Variants in ATAD2B observed in about 807,000 individuals in gnomAD.
ATAD2B encodes ATPase family AAA domain-containing protein 2B.
Under a neutral mutation model 167.6 loss-of-function variants are expected in ATAD2B, and 40 were observed. That is an observed-to-expected ratio of 0.24 (90% confidence interval 0.19 to 0.31). The LOEUF (loss-of-function observed/expected upper bound fraction) is 0.31. ATAD2B is among the 10% of genes least tolerant of loss of function. ATAD2B has a pLI of 1.00. For synonymous variants in ATAD2B, 579 were observed against 596.5 expected (o/e 0.97, Z 0.43); for missense variants, 1,242 against 1,757.2 (o/e 0.71, Z 5.24).
intron 7 of ATAD2B, among the ~76,000 whole-genome samples, chr2:23,878,777 A>T (rs1328764631): frequency 6.6e-6 from 1 of 152,196 alleles, no homozygotes; most frequent in Non-Finnish European, 1.5e-5. Context: ...TGCAAATGAC[A>T]TATCTGTTAA....
At chr2:23,736,002 T>C in the ATAD2B span, among the ~76,000 whole-genome samples, 2 of 152,144 alleles carry the variant, frequency 1.3e-5, no homozygotes, top group African/African-American at 4.8e-5. Context: ...AAGGATTACA[T>C]CTAAGTATTC....
intron 14 of ATAD2B, chr2:23,832,634 TAGAC>T (rs1689241651): frequency 6.2e-6 from 1 of 161,530 alleles, no homozygotes; most frequent in Non-Finnish European, 1.3e-5. Context: ...AAAATTCTAT[TAGAC>T]AGTGCTGTTC....
In ATAD2B at chr2:23,863,288, G is replaced by A. The variant is rs1165140778; in HGVS notation, c.1479+93C>T. The stretch of plus-strand genomic sequence containing the variant: ...CACGCTATTGCACTCACTCCAGCCT[G>A]GGTAACAGAGAGAGGCCCTGTCTCA... On this transcript the variant is annotated intron_variant, in intron 12 of 27. Coordinates refer to ENST00000238789, the MANE Select transcript of ATAD2B (RefSeq NM_017552.4). The A allele has an allele frequency of 2.9e-5, 36 of 1,260,904 alleles. No individual in the cohort carries two copies. In the Admixed American group the frequency reaches 9.5e-4, roughly 33 times the overall value. The allele number at this position is 1,260,904 out of a possible 1,614,324, so 78.1% of individuals were successfully genotyped here. A position where few individuals can be genotyped will look rare whatever the true frequency, so the allele number is the denominator to read the frequency against.
chr2:23,861,086 T>C (rs997929300), intron 12 of ATAD2B, among the ~76,000 whole-genome samples: 1 of 152,016 alleles, frequency 6.6e-6, no homozygotes, highest in Non-Finnish European at 1.5e-5. Flanking sequence ...TCCCAGTGCT[T>C]TGGGAGTGTT....
intron 24 of ATAD2B, among the ~76,000 whole-genome samples, chr2:23,760,771 C>CACACACACACA (rs1572646294): frequency 1.5e-5 from 2 of 130,120 alleles, no homozygotes; most frequent in Non-Finnish European, 3.5e-5. Context: ...CACACACACA[C>CACACACACACA]CACTTCCTTC....
At chr2:23,878,258 G>A (rs1697332068) in intron 7 of ATAD2B, among the ~76,000 whole-genome samples, 1 of 151,944 alleles carries the variant, frequency 6.6e-6, no homozygotes, top group South Asian at 2.1e-4. Flanking sequence ...CTACTTGGGA[G>A]GCTGAGGCAG....
chr2:23,886,223 G>A (rs1000750077), intron 4 of ATAD2B, among the ~76,000 whole-genome samples: 6 of 152,096 alleles, frequency 3.9e-5, no homozygotes, highest in African/African-American at 1.4e-4. Flanking sequence ...TGCAATTACA[G>A]TGATGCGCCC....
chr2:23,742,125 C>T, the ATAD2B span, among the ~76,000 whole-genome samples: 3 of 152,142 alleles, frequency 2.0e-5, no homozygotes, highest in African/African-American at 7.2e-5. Context: ...ACTAGTTCAA[C>T]CATTGTGGAA....
At chr2:23,718,822 G>A in the ATAD2B span, among the ~76,000 whole-genome samples, 1 of 152,164 alleles carries the variant, frequency 6.6e-6, no homozygotes, top group East Asian at 1.9e-4. Context: ...TGTACTTCCT[G>A]GCTCCTGGCC....
At chr2:23,897,465 C>G (rs927996821) in intron 1 of ATAD2B, among the ~76,000 whole-genome samples, 2 of 152,170 alleles carry the variant, frequency 1.3e-5, no homozygotes, top group African/African-American at 4.8e-5. Flanking sequence ...TTGCCATTAT[C>G]AAATACCACA....
Position 23,798,282 on chromosome 2 carries a change from G to A in ATAD2B, c.2496C>T (p.Tyr832=). 1 of 1,612,742 alleles carries A rather than the reference G, an allele frequency of 6.2e-7. No individual in the cohort carries two copies. Among genetic ancestry groups the A allele is most frequent in the Non-Finnish European group, 8.5e-7 (1 of 1,179,188 alleles). ...CCCACCAATCCCCAATGTGAGGCAT[G>A]TAAACAATACTAGGTACTGTTCTTC... ...EARRTVPSIV[Y]MPHIGDWWEA... Residue 832 remains tyrosine (Y), a synonymous_variant, in exon 19 of 28, where the codon TAC becomes TAT. Coordinates refer to ENST00000238789, the MANE Select transcript of ATAD2B (RefSeq NM_017552.4).
chr2:23,747,317 AAT>A (rs920666061), downstream of ATAD2B, among the ~76,000 whole-genome samples: 1 of 150,956 alleles, frequency 6.6e-6, no homozygotes. Context: ...ACATATGTGT[AAT>A]ATATATATAT....
At chr2:23,708,549 G>A in the ATAD2B span, 1 of 152,184 alleles carries the variant, frequency 6.6e-6, no homozygotes. Context: ...ATTGTACATA[G>A]TATATGTTTA....
chr2:23,889,366 C>T (rs879843326), intron 2 of ATAD2B, among the ~76,000 whole-genome samples: 2 of 151,962 alleles, frequency 1.3e-5, no homozygotes, highest in Non-Finnish European at 1.5e-5. Context: ...TGGGGTTTCA[C>T]CATGTTGGTC....
At chr2:23,748,428 T>C (rs1675031141), downstream of ATAD2B, among the ~76,000 whole-genome samples, 1 of 152,200 alleles carries the variant, frequency 6.6e-6, no homozygotes. Flanking sequence ...CATTTGCTTC[T>C]ATACAACATA....
At chr2:23,791,509 A>G (rs1681726535) in intron 19 of ATAD2B, among the ~76,000 whole-genome samples, 1 of 151,934 alleles carries the variant, frequency 6.6e-6, no homozygotes. Flanking sequence ...AAAAAACGCA[A>G]TTACTCTTGC....
At chr2:23,788,712 C>G in intron 19 of ATAD2B, 65 bp from the exon 20 acceptor site, 1 of 1,301,124 alleles carries the variant, frequency 7.7e-7, no homozygotes, top group Non-Finnish European at 1.0e-6. Flanking sequence ...CATATCATAC[C>G]AAATTGCAAT....
chr2:23,779,586 T>C (rs1278914969), intron 22 of ATAD2B, among the ~76,000 whole-genome samples: 1 of 152,148 alleles, frequency 6.6e-6, no homozygotes, highest in Admixed American at 6.5e-5. Context: ...AGGAACTTAT[T>C]CTAAGGAAAT....
At chr2:23,827,538 G>A (rs1383895046) in intron 15 of ATAD2B, among the ~76,000 whole-genome samples, 2 of 152,068 alleles carry the variant, frequency 1.3e-5, no homozygotes, top group Non-Finnish European at 2.9e-5. Flanking sequence ...ATCATTCTGT[G>A]ACAAATTCAC....
Sources: gnomAD v4.1 joint callset for allele counts (sites outside exome capture counted in the v4.1 genomes callset) on GRCh38, gnomAD v4.1.1 for gene constraint, MANE v1.5 for transcripts, NCBI Gene and HGNC (gene_info 2026-07-23, HGNC 2026-07-21) for gene names.